Variants in ME1 observed in about 807,000 individuals in gnomAD.
ME1 encodes the protein NADP-dependent malic enzyme.
ME1 carries 74 observed loss-of-function variants against 66.4 expected under a neutral mutation model. The ratio of observed to expected loss-of-function variants is 1.11; its 90% CI spans 0.92 to 1.35. The LOEUF is 1.35. Among genes scored for constraint, ME1 ranks in the 40% most tolerant of loss-of-function variants. The pLI is 0.00. For synonymous variants in ME1, 251 were observed against 235.6 expected (o/e 1.07, Z -0.60); for missense variants, 750 against 694.1 (o/e 1.08, Z -0.90).
chr6:83,223,374 C>T (rs939204216), intron 12 of ME1, among the ~76,000 whole-genome samples: 2 of 152,242 alleles, frequency 1.3e-5, no homozygotes, highest in East Asian at 1.9e-4. Flanking sequence ...AAGCTGGCCT[C>T]GAACTCCTGG....
chr6:83,401,403 A>G (rs551415833), intron 2 of ME1, among the ~76,000 whole-genome samples: 84 of 152,294 alleles, frequency 5.5e-4, no homozygotes, highest in African/African-American at 1.7e-3. Context: ...TATAACCCCA[A>G]TATCTAAAAG....
rs976349449 is a variant in ME1 at position 83,407,757 on chromosome 6, C to T, written c.212+11G>A. On this transcript the variant is annotated intron_variant, in intron 2 of 13. Coordinates refer to ENST00000369705, the MANE Select transcript of ME1 (RefSeq NM_002395.6). Reference sequence around the variant, plus strand: ...AGAGAAATATAAAAACCACCTTCAGCAATGTGTTACCTGTCAAAGTCAGAG... The same window carrying T: ...AGAGAAATATAAAAACCACCTTCAGTAATGTGTTACCTGTCAAAGTCAGAG... 1 of 1,570,412 alleles carries T rather than the reference C, an allele frequency of 6.4e-7. No homozygotes were observed. The highest frequency in any genetic ancestry group is 1.4e-5 in the African/African-American group (1 of 72,578).
intron 6 of ME1, among the ~76,000 whole-genome samples, chr6:83,270,130 G>A (rs999153847): frequency 6.6e-6 from 1 of 152,060 alleles, no homozygotes; most frequent in Non-Finnish European, 1.5e-5. Context: ...GGGGTGACCT[G>A]TACTCGTGTA....
rs746669922 is a variant in ME1, at chr6:83,223,808, C to A, written c.1401G>T (p.Ala467=). 1.2e-6 allele frequency: 2 copies of A among 1,613,926 alleles called. No homozygotes were observed. The highest frequency in any genetic ancestry group is 2.7e-5 in the African/African-American group (2 of 75,042). The change falls in exon 12 of 14, where the codon GCG becomes GCT. Residue 467 remains alanine (A), a synonymous_variant. Transcript: ENST00000369705. ...VFPGVALGVV[A]CGLRQITDNI... ...TATCTGTGATCTGCCTCAATCCACA[C>A]GCCACAACACCAAGAGCAACTCCAG...
Position 83,352,141 on chromosome 6 carries a change from T to C in ME1, c.363-2A>G. ...TCGTGGATAGTAATAAAGAGACCTC[T>C]GCAGAAAAAAAAAAAAAAAAAGGAG... On this transcript the variant is annotated splice_acceptor_variant, in intron 3 of 13. Transcript: ENST00000369705. LOFTEE classifies it high-confidence loss of function. 4.1e-6 allele frequency: 5 copies of C among 1,224,214 alleles called. No homozygotes were observed. Among genetic ancestry groups the C allele is most frequent in the Non-Finnish European group, 5.5e-6 (5 of 914,544 alleles). The allele number at this position is 1,224,214 out of a possible 1,614,324, so 75.8% of individuals were successfully genotyped here. A position where few individuals can be genotyped will look rare whatever the true frequency, so the allele number is the denominator to read the frequency against.
intron 6 of ME1, among the ~76,000 whole-genome samples, chr6:83,266,965 A>T (rs1203494341): frequency 6.6e-6 from 1 of 152,278 alleles, no homozygotes; most frequent in East Asian, 1.9e-4. Flanking sequence ...TGAATTAACA[A>T]GTATGCTTAT....
At chr6:83,374,476 T>C (rs1387297751) in intron 3 of ME1, among the ~76,000 whole-genome samples, 1 of 151,814 alleles carries the variant, frequency 6.6e-6, no homozygotes. Flanking sequence ...AATTTAAGTT[T>C]CTTGTAAATT....
intron 1 of ME1, among the ~76,000 whole-genome samples, chr6:83,411,979 T>C (rs963082798): frequency 6.6e-6 from 1 of 152,200 alleles, no homozygotes; most frequent in East Asian, 1.9e-4. Flanking sequence ...AATTAACCTA[T>C]GTATATCTTC....
chr6:83,310,733 T>C (rs1481476623), intron 6 of ME1, among the ~76,000 whole-genome samples: 1 of 151,904 alleles, frequency 6.6e-6, no homozygotes, highest in Non-Finnish European at 1.5e-5. Context: ...AGAGTAACTA[T>C]AAGGACAATG....
Position 83,211,889 on chromosome 6 carries a change from C to A in ME1, c.*35G>T, listed in dbSNP as rs761275050. ...TTAAAAATTATGAAAGGTTTAAAGA[C>A]CTCATTAATAGAGTTAGAAATGTTT... On this transcript the variant is annotated 3_prime_UTR_variant, in exon 14 of 14. Coordinates refer to ENST00000369705, the MANE Select transcript of ME1 (RefSeq NM_002395.6). The A allele has an allele frequency of 1.3e-5, 18 of 1,415,760 alleles. No homozygotes were observed. In the Admixed American group the frequency reaches 2.4e-4, roughly 19 times the overall value. The allele number at this position is 1,415,760 out of a possible 1,614,324, so 87.7% of individuals were successfully genotyped here. A position where few individuals can be genotyped will look rare whatever the true frequency, so the allele number is the denominator to read the frequency against.
chr6:83,320,546 A>G (rs549505800), intron 5 of ME1, among the ~76,000 whole-genome samples: 1 of 152,336 alleles, frequency 6.6e-6, no homozygotes, highest in East Asian at 1.9e-4. Context: ...AAGGCATAAA[A>G]ACTTTAAACA....
chr6:83,259,239 A>T (rs1766837104), intron 6 of ME1, among the ~76,000 whole-genome samples: 1 of 152,214 alleles, frequency 6.6e-6, no homozygotes, highest in African/African-American at 2.4e-5. Context: ...TAATGTATTG[A>T]AGCTTGAGAG....
In ME1 at chr6:83,344,625, G is replaced by A. The variant is rs190500108; in HGVS notation, c.600+1548C>T. On this transcript the variant is annotated intron_variant, in intron 5 of 13. Transcript: ENST00000369705. ...TAGGCCGGGTACGGTGGCTCACGCCGGTAATCCCAGCACTTTGGGAGGGCG... is the reference window on the plus strand; with the variant it reads ...TAGGCCGGGTACGGTGGCTCACGCCAGTAATCCCAGCACTTTGGGAGGGCG... Among the ~76,000 whole-genome samples, 786 of 151,996 alleles carry A rather than the reference G, an allele frequency of 5.2e-3. 8 individuals carry two copies. The highest frequency in any genetic ancestry group is 0.018 in the African/African-American group (751 of 41,494).
intron 1 of ME1, among the ~76,000 whole-genome samples, chr6:83,419,805 C>T (rs1458584606): frequency 1.3e-5 from 2 of 152,314 alleles, no homozygotes; most frequent in East Asian, 1.9e-4. Flanking sequence ...TAATTGCCTA[C>T]GACAACATCT....
chr6:83,236,036 G>A (rs1790396209), intron 9 of ME1, among the ~76,000 whole-genome samples: 1 of 151,726 alleles, frequency 6.6e-6, no homozygotes, highest in Non-Finnish European at 1.5e-5. Context: ...ATATACAACT[G>A]TATTTTAAAT....
intron 3 of ME1, among the ~76,000 whole-genome samples, chr6:83,390,318 A>G (rs534073474): frequency 1.2e-4 from 18 of 152,334 alleles, no homozygotes; most frequent in African/African-American, 4.3e-4. Flanking sequence ...AAGTATTAAT[A>G]GAATAAGGGG....
chr6:83,393,780 A>C (rs1204226194), intron 3 of ME1, among the ~76,000 whole-genome samples: 1 of 152,156 alleles, frequency 6.6e-6, no homozygotes, highest in Admixed American at 6.6e-5. Flanking sequence ...TTGTATTAAG[A>C]TTCTTTATAT....
At chr6:83,250,477 T>C (rs960678089) in intron 7 of ME1, among the ~76,000 whole-genome samples, 1 of 152,204 alleles carries the variant, frequency 6.6e-6, no homozygotes, top group African/African-American at 2.4e-5. Context: ...TCCAAGCTCT[T>C]AACATCTGCA....
At chr6:83,360,288 C>G (rs1768983101) in intron 3 of ME1, among the ~76,000 whole-genome samples, 1 of 152,180 alleles carries the variant, frequency 6.6e-6, no homozygotes, top group African/African-American at 2.4e-5. Flanking sequence ...ACCAGGGTAA[C>G]TGTGCACTGG....
Sources: gnomAD v4.1 joint callset for allele counts (sites outside exome capture counted in the v4.1 genomes callset) on GRCh38, gnomAD v4.1.1 for gene constraint, MANE v1.5 for transcripts, NCBI Gene and HGNC (gene_info 2026-07-23, HGNC 2026-07-21) for gene names.